The following KIAA0319 variants were observed in gnomAD, a reference collection of about 807,000 sequenced individuals.
KIAA0319 encodes dyslexia-associated protein KIAA0319.
Under a neutral mutation model 108.4 loss-of-function variants are expected in KIAA0319, and 83 were observed. The observed-to-expected ratio is 0.77, with a 90% CI of 0.64 to 0.92. KIAA0319 has a LOEUF of 0.92. Ranked by LOEUF, KIAA0319 falls within the 40% of genes least tolerant of loss-of-function variation. The pLI is 0.00. For missense variants in KIAA0319, 1,195 were observed against 1,322.4 expected, an observed-to-expected ratio of 0.90 and a Z score of 1.49; for synonymous variants, 484 against 510.4, an observed-to-expected ratio of 0.95 and a Z score of 0.70.
At chr6:24,564,628 G>A (rs1763643179) in intron 14 of KIAA0319, among the ~76,000 whole-genome samples, 2 of 152,164 alleles carry the variant, frequency 1.3e-5, no homozygotes, top group Non-Finnish European at 1.5e-5. Context: ...TCCAACAAAG[G>A]GAAAGACCAT....
At chr6:24,589,892 C>T (rs914496564) in intron 3 of KIAA0319, among the ~76,000 whole-genome samples, 4 of 151,948 alleles carry the variant, frequency 2.6e-5, no homozygotes, top group Admixed American at 2.6e-4. Context: ...ACAGAGTTAG[C>T]CAAGTTAAAG....
chr6:24,549,772 C>T (rs1041334217), intron 20 of KIAA0319, among the ~76,000 whole-genome samples: 2 of 152,112 alleles, frequency 1.3e-5, no homozygotes, highest in South Asian at 4.1e-4. Context: ...TTTATTATTA[C>T]TATTAGTTCA....
intron 8 of KIAA0319, 123 bp from the exon 9 acceptor site, chr6:24,578,365 A>C: frequency 1.0e-4 from 69 of 668,472 alleles, no homozygotes; most frequent in East Asian, 1.7e-4. Context: ...CCTAGATCTC[A>C]ATGGATATAT....
rs887746448 is a variant in KIAA0319, at chr6:24,595,794, G to C, written c.801+79C>G. ...GCTCATACAGCCTGAATGAGTGCCCGGCTCCTGAAACTCAGCCCCTCCTAC... is the reference window on the plus strand; with the variant it reads ...GCTCATACAGCCTGAATGAGTGCCCCGCTCCTGAAACTCAGCCCCTCCTAC... On this transcript the variant is annotated intron_variant, in intron 3 of 20. Coordinates refer to ENST00000378214, the MANE Select transcript of KIAA0319 (RefSeq NM_014809.4). The C allele has an allele frequency of 2.7e-6, 4 of 1,472,044 alleles. No individual in the cohort carries two copies. In the South Asian group the frequency reaches 4.3e-5, roughly 16 times the overall value. 91.2% of individuals were successfully genotyped at this position (1,472,044 alleles called of 1,614,324 possible). A position where few individuals can be genotyped will look rare whatever the true frequency, so the allele number is the denominator to read the frequency against.
At chr6:24,579,816 T>G in intron 8 of KIAA0319, 42 bp downstream of exon 8, 1 of 1,486,810 alleles carries the variant, frequency 6.7e-7, no homozygotes. Context: ...TCGTAGCACG[T>G]AGAGAAAAAA....
chr6:24,584,864 C>T (rs1220373538), intron 4 of KIAA0319, among the ~76,000 whole-genome samples: 5 of 152,230 alleles, frequency 3.3e-5, no homozygotes, highest in Non-Finnish European at 5.9e-5. Context: ...CTCATTACAA[C>T]TGTATGCAGT....
chr6:24,619,445 A>C (rs1259480686), intron 1 of KIAA0319, among the ~76,000 whole-genome samples: 1 of 152,160 alleles, frequency 6.6e-6, no homozygotes, highest in African/African-American at 2.4e-5. Flanking sequence ...GTCCTAGATG[A>C]CTCTGAGCAA....
rs752186089 is a variant in KIAA0319 at position 24,596,108 on chromosome 6, G to A, written c.566C>T (p.Pro189Leu). 21 of 1,612,922 alleles carry A rather than the reference G, an allele frequency of 1.3e-5. 1 individual carries two copies. Among genetic ancestry groups the A allele is most frequent in the Middle Eastern group, 3.3e-4 (2 of 6,058 alleles). The change falls in exon 3 of 21, where the codon CCG (proline) becomes CTG (leucine). Residue 189 changes from proline (P) to leucine (L), a missense_variant. Physicochemically the swap from Pro to Leu is moderately conservative, Grantham distance 98 (BLOSUM62 -3). Coordinates refer to ENST00000378214, the MANE Select transcript of KIAA0319 (RefSeq NM_014809.4). ...SAEYTDWGLL[P>L]GSEGAFNSSV... ...GGAGTTGAAGGCCCCCTCGCTGCCC[G>A]GCAGTAGGCCCCAGTCCGTGTACTC...
chr6:24,584,015 C>A (rs1388798930), intron 4 of KIAA0319, among the ~76,000 whole-genome samples: 2 of 152,106 alleles, frequency 1.3e-5, no homozygotes, highest in African/African-American at 4.8e-5. Context: ...TGAATTGGGT[C>A]CATTTTCTCC....
At chr6:24,638,018 G>A (rs985968837) in intron 1 of KIAA0319, among the ~76,000 whole-genome samples, 7 of 152,252 alleles carry the variant, frequency 4.6e-5, no homozygotes, top group African/African-American at 1.7e-4. Context: ...CACCAGAAAA[G>A]CAACTCCCAC....
At position 24,601,071 on chromosome 6, in the gene KIAA0319, C is replaced by T; in HGVS notation, c.33G>A (p.Leu11=). The part of the protein sequence containing the change: MAPPTGVLSS[L]LLLVTIAGCA... ...TACCTGCAATTGTCACCAGCAGCAG[C>T]AATGAAGAGAGCACACCTGTGGGGG... Residue 11 remains leucine, a synonymous_variant, in exon 2 of 21, where the codon TTG becomes TTA. Transcript: ENST00000378214. The T allele has an allele frequency of 1.2e-6, 2 of 1,614,106 alleles. No homozygotes were observed. The highest frequency in any genetic ancestry group is 1.7e-6 in the Non-Finnish European group (2 of 1,180,018).
intron 17 of KIAA0319, 152 bp from the exon 18 acceptor site, chr6:24,556,881 G>T: frequency 2.3e-6 from 2 of 878,720 alleles, no homozygotes; most frequent in Non-Finnish European, 3.3e-6. Flanking sequence ...TCTGGAGATA[G>T]TCTCTCATCA....
chr6:24,616,598 C>G (rs1670065871), intron 1 of KIAA0319, among the ~76,000 whole-genome samples: 1 of 152,204 alleles, frequency 6.6e-6, no homozygotes, highest in African/African-American at 2.4e-5. Flanking sequence ...GTGATCTGCC[C>G]ACCTCGGTCT....
At chr6:24,642,192 G>GAGAA (rs1490971706) in intron 1 of KIAA0319, among the ~76,000 whole-genome samples, 5 of 139,820 alleles carry the variant, frequency 3.6e-5, no homozygotes, top group African/African-American at 1.3e-4. Context: ...AAGAAAGAGA[G>GAGAA]AAAGAAAGAG....
At chr6:24,566,575 G>A (rs1763926514) in intron 14 of KIAA0319, 22 bp downstream of exon 14, 2 of 1,589,288 alleles carry the variant, frequency 1.3e-6, no homozygotes, top group African/African-American at 1.3e-5. Flanking sequence ...TGGTCTAGGA[G>A]CAATTCTCTC....
At chr6:24,603,788 C>G (rs1290601636) in intron 1 of KIAA0319, among the ~76,000 whole-genome samples, 2 of 152,214 alleles carry the variant, frequency 1.3e-5, no homozygotes, top group Non-Finnish European at 2.9e-5. Flanking sequence ...ATAACATTCT[C>G]TTAAGATGGT....
At chr6:24,631,724 T>C (rs1775606721) in intron 1 of KIAA0319, among the ~76,000 whole-genome samples, 1 of 152,246 alleles carries the variant, frequency 6.6e-6, no homozygotes, top group African/African-American at 2.4e-5. Context: ...AATTCAATTC[T>C]TATCTAACGG....
rs1379516390 is a variant in KIAA0319, at chr6:24,596,132, T to C, written c.542A>G (p.Glu181Gly). ...SGKQEPRGSA[E>G]YTDWGLLPGS... The stretch of plus-strand genomic sequence containing the variant: ...CGGCAGTAGGCCCCAGTCCGTGTAC[T>C]CGGCACTCCCTCTGGGCTCCTGCTT... Residue 181 changes from glutamate to glycine, a missense_variant, in exon 3 of 21, where the codon GAG becomes GGG. By Grantham distance (98) the Glu-to-Gly change is moderately conservative. Coordinates refer to ENST00000378214, the MANE Select transcript of KIAA0319 (RefSeq NM_014809.4). 1.9e-6 allele frequency: 3 copies of C among 1,613,920 alleles called. No individual in the cohort carries two copies. The South Asian group carries it at 3.3e-5, about 18-fold the overall frequency.
At chr6:24,639,539 T>C (rs192467901) in intron 1 of KIAA0319, among the ~76,000 whole-genome samples, 1 of 152,208 alleles carries the variant, frequency 6.6e-6, no homozygotes, top group Admixed American at 6.5e-5. Context: ...GATGAAACTT[T>C]TAAAAAAAGA....
Sources: gnomAD v4.1 joint callset for allele counts (sites outside exome capture counted in the v4.1 genomes callset) on GRCh38, gnomAD v4.1.1 for gene constraint, MANE v1.5 for transcripts, NCBI Gene and HGNC (gene_info 2026-07-23, HGNC 2026-07-21) for gene names.